Variants in NSUN3 observed in about 807,000 individuals in gnomAD.
NSUN3 encodes the protein NOP2/Sun RNA methyltransferase 3, also known as tRNA (cytosine(34)-C(5))-methyltransferase, mitochondrial.
Under a neutral mutation model 36.8 loss-of-function variants are expected in NSUN3, and 24 were observed. That is an observed-to-expected ratio of 0.65 (90% confidence interval 0.47 to 0.92). NSUN3 has a LOEUF of 0.92. NSUN3 is among the 40% of genes least tolerant of loss of function. NSUN3 has a pLI of 0.00. For missense variants in NSUN3, 381 were observed against 392.8 expected (o/e 0.97, Z 0.25); for synonymous variants, 146 against 145.2 (o/e 1.01, Z -0.04).
At chr3:94,066,803 C>T (rs1458080794) in intron 2 of NSUN3, among the ~76,000 whole-genome samples, 1 of 152,170 alleles carries the variant, frequency 6.6e-6, no homozygotes, top group Admixed American at 6.5e-5. Context: ...CCCTTTCAAA[C>T]TTATGTTGCC....
At chr3:94,091,114 GCCT>G (rs113490112) in intron 3 of NSUN3, among the ~76,000 whole-genome samples, 3,593 of 152,198 alleles carry the variant, frequency 0.024, 152 homozygotes, top group African/African-American at 0.082. Flanking sequence ...TTCAATTCTT[GCCT>G]CCTCAGAAAG....
In NSUN3 at chr3:94,127,274, T is replaced by C. The variant is rs1312426574; in HGVS notation, c.*784T>C. ...AAACCGGAATGATTAATAACTGCAATCACTGAACTATATTTGGAGAGTTTT... is the reference window on the plus strand; with the variant it reads ...AAACCGGAATGATTAATAACTGCAACCACTGAACTATATTTGGAGAGTTTT... On this transcript the variant is annotated 3_prime_UTR_variant, in exon 6 of 6. Coordinates refer to ENST00000314622, the MANE Select transcript of NSUN3 (RefSeq NM_022072.5). 6.6e-6 allele frequency: 1 copy of C among 152,218 alleles called. No homozygotes were observed. Among genetic ancestry groups the C allele is most frequent in the Non-Finnish European group, 1.5e-5 (1 of 68,048 alleles). 9.4% of individuals were successfully genotyped at this position (152,218 alleles called of 1,614,324 possible).
chr3:94,099,274 T>G (rs1035703825), intron 5 of NSUN3, among the ~76,000 whole-genome samples: 2 of 152,194 alleles, frequency 1.3e-5, no homozygotes, highest in Admixed American at 1.3e-4. Flanking sequence ...TAATATCGTA[T>G]AGCATTTCAA....
chr3:94,068,974 CTT>C (rs909675379), intron 2 of NSUN3, among the ~76,000 whole-genome samples: 1 of 152,136 alleles, frequency 6.6e-6, no homozygotes, highest in Non-Finnish European at 1.5e-5. Flanking sequence ...GAAGAAGTAA[CTT>C]TTAGACACTT....
intron 5 of NSUN3, among the ~76,000 whole-genome samples, chr3:94,121,064 C>T (rs1478744745): frequency 6.6e-6 from 1 of 152,130 alleles, no homozygotes; most frequent in Non-Finnish European, 1.5e-5. Context: ...TTTCCTATTG[C>T]TGCTGTTAAC....
rs936788911 is a variant in NSUN3 at position 94,094,697 on chromosome 3, AT to A, written c.622-334del. On this transcript the variant is annotated intron_variant, in intron 4 of 5. Coordinates refer to ENST00000314622, the MANE Select transcript of NSUN3 (RefSeq NM_022072.5). ...AAATAAGTGCTGAGAATTCAGAAAT[AT>A]TATTAATGTCTGATTACAATGAGTA... is the stretch of plus-strand genomic sequence containing the variant. Among the ~76,000 whole-genome samples, 114 of 152,316 alleles carry A rather than the reference AT, an allele frequency of 7.5e-4. 1 individual carries two copies. The highest frequency in any genetic ancestry group is 2.7e-3 in the African/African-American group (112 of 41,570).
intron 5 of NSUN3, among the ~76,000 whole-genome samples, chr3:94,121,847 A>T (rs941627115): frequency 6.6e-6 from 1 of 152,304 alleles, no homozygotes; most frequent in Middle Eastern, 3.4e-3. Flanking sequence ...CAAAATTTTT[A>T]AAAATACATA....
chr3:94,113,795 G>C (rs1161324986), intron 5 of NSUN3, among the ~76,000 whole-genome samples: 1 of 152,106 alleles, frequency 6.6e-6, no homozygotes, highest in African/African-American at 2.4e-5. Context: ...GAATTACCAA[G>C]TTACTTGGAA....
Position 94,129,475 on chromosome 3 carries a change from A to T in NSUN3, c.*2985A>T, listed in dbSNP as rs2077500661. 6.6e-6 allele frequency among the ~76,000 whole-genome samples: 1 copy of T among 152,100 alleles called. No individual in the cohort carries two copies. The highest frequency in any genetic ancestry group is 2.4e-5 in the African/African-American group (1 of 41,416). ...ACACATGGACATAAAGGAACAATAG[A>T]CACTGGTGACTACTAGAGTGGGGAG... On this transcript the variant is annotated 3_prime_UTR_variant, in exon 6 of 6. Coordinates refer to ENST00000314622, the MANE Select transcript of NSUN3 (RefSeq NM_022072.5).
At chr3:94,094,057 C>A in intron 3 of NSUN3, 83 bp from the exon 4 acceptor site, 1 of 1,000,770 alleles carries the variant, frequency 1.0e-6, no homozygotes, top group Non-Finnish European at 1.4e-6. Flanking sequence ...GAGTTAATTT[C>A]TTTCTGAAAT....
intron 2 of NSUN3, among the ~76,000 whole-genome samples, chr3:94,069,185 C>A (rs774250084): frequency 6.6e-6 from 1 of 152,098 alleles, no homozygotes; most frequent in Non-Finnish European, 1.5e-5. Flanking sequence ...TGATGTTCCA[C>A]CAGAAACGCA....
In NSUN3 at chr3:94,092,941, A is replaced by AAG. The variant is rs2077322099; in HGVS notation, c.467-1198_467-1197insGA. ...TCTCAAAAAAAAAAAAAAAAAAAAA[A>AAG]AAAAGAAAAGAAATATGGAGCCCTC... On this transcript the variant is annotated intron_variant, in intron 3 of 5. Coordinates refer to ENST00000314622, the MANE Select transcript of NSUN3 (RefSeq NM_022072.5). Among the ~76,000 whole-genome samples, 3 of 149,900 alleles carry AAG rather than the reference A, an allele frequency of 2.0e-5. No homozygotes were observed. In the South Asian group the frequency reaches 6.3e-4, roughly 32 times the overall value.
At chr3:94,084,722 C>T (rs1576086445) in intron 3 of NSUN3, 1 of 310,832 alleles carries the variant, frequency 3.2e-6, no homozygotes, top group East Asian at 6.2e-5. Context: ...TGCTGATAAG[C>T]CTGATAGGTA....
intron 3 of NSUN3, chr3:94,084,879 T>C (rs2077285465): frequency 6.3e-6 from 1 of 159,234 alleles, no homozygotes; most frequent in Admixed American, 6.1e-5. Flanking sequence ...AGAAATATAA[T>C]GTGAAGTATA....
chr3:94,126,031 G>C (rs1177214639), intron 5 of NSUN3, among the ~76,000 whole-genome samples, 180 bp from the exon 6 acceptor site: 1 of 151,572 alleles, frequency 6.6e-6, no homozygotes, highest in East Asian at 1.9e-4. Flanking sequence ...CTGCACTCCA[G>C]CCTGGGTGAC....
At chr3:94,067,211 A>ATACTGTCATACAT (rs1425633086) in intron 2 of NSUN3, among the ~76,000 whole-genome samples, 1 of 152,208 alleles carries the variant, frequency 6.6e-6, no homozygotes, top group Non-Finnish European at 1.5e-5. Context: ...ACTCTTGTGC[A>ATACTGTCATACAT]TACTGTCATA....
intron 5 of NSUN3, among the ~76,000 whole-genome samples, chr3:94,115,859 C>T (rs1359451295): frequency 6.6e-6 from 1 of 152,134 alleles, no homozygotes. Context: ...GTTTTAATAG[C>T]TATTTATAAA....
intron 2 of NSUN3, among the ~76,000 whole-genome samples, chr3:94,064,850 G>GA (rs905317642): frequency 3.9e-5 from 6 of 152,046 alleles, no homozygotes; most frequent in East Asian, 1.9e-4. Flanking sequence ...TACTGTAAAA[G>GA]AAAAAAACAT....
chr3:94,067,647 A>C lies in NSUN3; in HGVS notation c.122+3101A>C, dbSNP rs144069123. Among the ~76,000 whole-genome samples, 48 of 152,312 alleles carry C rather than the reference A, an allele frequency of 3.2e-4. No homozygotes were observed. In the East Asian group the frequency reaches 7.9e-3, roughly 25 times the overall value. ...TTTGCTTATTTTAGCAACCACTTTT[A>C]TGGCACTATGTACCAGTCAATGTTG... On this transcript the variant is annotated intron_variant, in intron 2 of 5. Coordinates refer to ENST00000314622, the MANE Select transcript of NSUN3 (RefSeq NM_022072.5).
Sources: allele counts gnomAD v4.1 joint callset (sites outside exome capture counted in the v4.1 genomes callset), GRCh38; gene constraint gnomAD v4.1.1; transcripts MANE v1.5; gene names NCBI Gene and HGNC (gene_info 2026-07-23, HGNC 2026-07-21).